The following ADGRL2 variants were observed in gnomAD, a reference collection of about 807,000 sequenced individuals.
The protein encoded by ADGRL2 is adhesion G protein-coupled receptor L2, also known as calcium-independent alpha-latrotoxin receptor 2.
In ADGRL2, 44 loss-of-function variants were observed where a neutral mutation model predicts 157.4. That is an observed-to-expected ratio of 0.28 (90% CI 0.22 to 0.36). The LOEUF is 0.36. Among genes scored for constraint, ADGRL2 ranks in the 10% least tolerant of loss-of-function variants. ADGRL2 has a pLI of 1.00. For synonymous variants in ADGRL2, 585 were observed against 624.7 expected, an observed-to-expected ratio of 0.94 and a Z score of 0.95; for missense variants, 1,510 against 1,768.9, an observed-to-expected ratio of 0.85 and a Z score of 2.63.
At chr1:81,729,590 CT>C (rs1557602131) in intron 1 of ADGRL2, among the ~76,000 whole-genome samples, 1 of 151,998 alleles carries the variant, frequency 6.6e-6, no homozygotes, top group Non-Finnish European at 1.5e-5. Flanking sequence ...TTTTCATTTT[CT>C]TTGCATTTCA....
At chr1:81,738,408 T>C (rs2084970450) in intron 1 of ADGRL2, among the ~76,000 whole-genome samples, 1 of 152,172 alleles carries the variant, frequency 6.6e-6, no homozygotes, top group Non-Finnish European at 1.5e-5. Context: ...GGAAGGTCAT[T>C]GAAGCAGCAG....
At chr1:81,402,872 G>T (rs558591449) in intron 1 of ADGRL2, among the ~76,000 whole-genome samples, 21 of 152,242 alleles carry the variant, frequency 1.4e-4, no homozygotes, top group African/African-American at 4.8e-4. Context: ...TGATTAATAA[G>T]GCAAACATCG....
At chr1:81,979,795 C>A in intron 17 of ADGRL2, 74 bp from the exon 18 acceptor site, 1 of 834,990 alleles carries the variant, frequency 1.2e-6, no homozygotes, top group Non-Finnish European at 2.0e-6. Flanking sequence ...AAACATGGAT[C>A]GATACATTTG....
intron 1 of ADGRL2, among the ~76,000 whole-genome samples, chr1:81,344,578 A>G (rs1330026090): frequency 6.7e-6 from 1 of 150,052 alleles, no homozygotes; most frequent in Non-Finnish European, 1.5e-5. Context: ...AGGCAGGAGA[A>G]TCACTTGAAC....
intron 3 of ADGRL2, among the ~76,000 whole-genome samples, chr1:81,691,746 A>G (rs1467488699): frequency 6.6e-6 from 1 of 151,496 alleles, no homozygotes; most frequent in African/African-American, 2.4e-5. Context: ...TGATCCGCCC[A>G]CCTCAGCCTC....
chr1:81,603,230 C>A (rs1034291785), intron 3 of ADGRL2, among the ~76,000 whole-genome samples: 1 of 152,206 alleles, frequency 6.6e-6, no homozygotes, highest in Non-Finnish European at 1.5e-5. Context: ...TCTCTCATAA[C>A]CCAAACCCGA....
intron 1 of ADGRL2, among the ~76,000 whole-genome samples, chr1:81,728,765 T>G (rs1386174895): frequency 6.6e-6 from 1 of 152,192 alleles, no homozygotes; most frequent in Non-Finnish European, 1.5e-5. Flanking sequence ...CCTCTCTCTC[T>G]GCTGTAGTGC....
chr1:81,364,953 T>C (rs2100940142), intron 1 of ADGRL2, among the ~76,000 whole-genome samples: 1 of 152,258 alleles, frequency 6.6e-6, no homozygotes, highest in East Asian at 1.9e-4. Flanking sequence ...CGTGAGCCAC[T>C]GCCCCCAGCC....
At chr1:81,580,070 T>A (rs141160919) in intron 2 of ADGRL2, among the ~76,000 whole-genome samples, 1 of 152,276 alleles carries the variant, frequency 6.6e-6, no homozygotes, top group African/African-American at 2.4e-5. Flanking sequence ...CAATTCTACA[T>A]AGTGAATGCC....
chr1:81,393,352 CA>C (rs1022103110), intron 1 of ADGRL2, among the ~76,000 whole-genome samples: 12 of 121,274 alleles, frequency 9.9e-5, no homozygotes, highest in African/African-American at 3.4e-4. Flanking sequence ...CTCCATGCCC[CA>C]GGGAAAAAAA....
intron 3 of ADGRL2, among the ~76,000 whole-genome samples, chr1:81,593,626 C>A (rs2081175323): frequency 6.6e-6 from 1 of 152,074 alleles, no homozygotes; most frequent in Admixed American, 6.6e-5. Flanking sequence ...GCTCTATTAC[C>A]TCTTATTCCT....
chr1:81,426,825 A>T, intron 1 of ADGRL2: 1 of 528,428 alleles, frequency 1.9e-6, no homozygotes, highest in Non-Finnish European at 3.6e-6. Flanking sequence ...CCCATCTACC[A>T]GTGAAGAAAA....
At chr1:81,949,790 C>T (rs560823952) in intron 6 of ADGRL2, among the ~76,000 whole-genome samples, 1 of 152,070 alleles carries the variant, frequency 6.6e-6, no homozygotes. Flanking sequence ...TTTGTTAATG[C>T]TTTGAATTTG....
intron 1 of ADGRL2, among the ~76,000 whole-genome samples, chr1:81,759,419 C>T (rs2085795113): frequency 6.6e-6 from 1 of 152,018 alleles, no homozygotes; most frequent in Non-Finnish European, 1.5e-5. Flanking sequence ...GATCACTTTG[C>T]TTCTTAGAGT....
At chr1:81,442,747 C>T (rs2077530782) in intron 1 of ADGRL2, among the ~76,000 whole-genome samples, 1 of 152,200 alleles carries the variant, frequency 6.6e-6, no homozygotes. Flanking sequence ...AGGACCTATC[C>T]ATGAGCCCTC....
At chr1:81,695,517 T>C (rs2083424556), upstream of ADGRL2, among the ~76,000 whole-genome samples, 13 of 152,116 alleles carry the variant, frequency 8.5e-5, no homozygotes, top group Admixed American at 8.5e-4. Flanking sequence ...GAGGCAGCTA[T>C]GTTTTGAGAA....
At chr1:81,901,149 G>A (rs1356559433) in intron 2 of ADGRL2, among the ~76,000 whole-genome samples, 1 of 152,080 alleles carries the variant, frequency 6.6e-6, no homozygotes, top group Non-Finnish European at 1.5e-5. Context: ...TAAAGAAACA[G>A]AAAAGTTGAT....
At chr1:81,442,112 A>C (rs2077518394) in intron 1 of ADGRL2, among the ~76,000 whole-genome samples, 1 of 152,198 alleles carries the variant, frequency 6.6e-6, no homozygotes, top group Admixed American at 6.5e-5. Flanking sequence ...GGAATTATTC[A>C]ATATGGGATT....
At chr1:81,936,596 C>CT (rs967253808) in intron 3 of ADGRL2, 132 bp from the exon 4 acceptor site, 1 of 511,902 alleles carries the variant, frequency 2.0e-6, no homozygotes, top group African/African-American at 1.9e-5. Flanking sequence ...TGTAGAGTAA[C>CT]TTAACATCAC....
Sources: gnomAD v4.1 joint callset for allele counts (sites outside exome capture counted in the v4.1 genomes callset) on GRCh38, gnomAD v4.1.1 for gene constraint, MANE v1.5 for transcripts, NCBI Gene and HGNC (gene_info 2026-07-23, HGNC 2026-07-21) for gene names.